Variants in FAXC observed in about 807,000 individuals in gnomAD.
The protein encoded by FAXC is failed axon connections homolog.
Under a neutral mutation model 41.9 loss-of-function variants are expected in FAXC, and 10 were observed. That is an observed-to-expected ratio of 0.24 (90% CI 0.15 to 0.41). FAXC has a LOEUF of 0.41. Among genes scored for constraint, FAXC ranks in the 10% least tolerant of loss-of-function variants. The probability of loss-of-function intolerance (pLI) is 1.00; values close to 1 mark genes in which losing one functional copy is unlikely to be tolerated. For missense variants in FAXC, 399 were observed against 510.9 expected, an observed-to-expected ratio of 0.78 and a Z score of 2.11; for synonymous variants, 183 against 183.8, an observed-to-expected ratio of 1.00 and a Z score of 0.03.
Position 99,318,300 on chromosome 6 carries a change from C to CAAA in FAXC, c.823+5143_823+5144insTTT, listed in dbSNP as rs1445559462. Among the ~76,000 whole-genome samples, 8 of 127,662 alleles carry CAAA rather than the reference C, an allele frequency of 6.3e-5. 1 individual carries two copies. In the East Asian group the frequency reaches 9.1e-4, roughly 15 times the overall value. 83.8% of individuals were successfully genotyped at this position (127,662 alleles called of 152,430 possible). ...ACACACACACACACACACACACACA[C>CAAA]ACACACAAAATAGAAGAAATGGAAA... On this transcript the variant is annotated intron_variant, in intron 4 of 5. Coordinates refer to ENST00000389677, the MANE Select transcript of FAXC (RefSeq NM_032511.4).
At chr6:99,283,206 A>G (rs1348740513) in intron 5 of FAXC, among the ~76,000 whole-genome samples, 3 of 152,252 alleles carry the variant, frequency 2.0e-5, no homozygotes, top group East Asian at 1.9e-4. Context: ...ATTAGTCTGT[A>G]TAGACAAACT....
In FAXC at chr6:99,278,290, G is replaced by C. The variant is rs376041402; in HGVS notation, c.*2874C>G. 6.6e-6 allele frequency: 1 copy of C among 152,190 alleles called. No individual in the cohort carries two copies. The highest frequency in any genetic ancestry group is 2.1e-4 in the South Asian group (1 of 4,822). The allele number at this position is 152,190 out of a possible 1,614,324, so 9.4% of individuals were successfully genotyped here. ...ATTCTGCTCATTAATCTTGTTGAGT[G>C]GGGGTACAGATGGGCAAAGAGAGGT... On this transcript the variant is annotated 3_prime_UTR_variant, in exon 6 of 6. Transcript: ENST00000389677.
At position 99,349,454 on chromosome 6, in the gene FAXC, C is replaced by G; in HGVS notation, c.-82G>C. On this transcript the variant is annotated 5_prime_UTR_variant, in exon 1 of 6. Transcript: ENST00000389677. ...GGGCCGGCGCGGCCCGGCGCGGGCT[C>G]AGAGGCGCGCGGAGGGCGCGGGCGG... 1 of 1,041,960 alleles carries G rather than the reference C, an allele frequency of 9.6e-7. No individual in the cohort carries two copies. Among genetic ancestry groups the G allele is most frequent in the Non-Finnish European group, 1.2e-6 (1 of 865,436 alleles). The allele number at this position is 1,041,960 out of a possible 1,614,324, so 64.5% of individuals were successfully genotyped here. A position where few individuals can be genotyped will look rare whatever the true frequency, so the allele number is the denominator to read the frequency against.
chr6:99,344,285 C>G (rs1190370808), intron 1 of FAXC, among the ~76,000 whole-genome samples: 3 of 152,176 alleles, frequency 2.0e-5, no homozygotes, highest in Admixed American at 6.5e-5. Context: ...ACTCATACCC[C>G]ACTCCTCGGG....
Position 99,349,176 on chromosome 6 carries a change from G to C in FAXC, c.197C>G (p.Thr66Ser). 6.2e-7 allele frequency: 1 copy of C among 1,613,826 alleles called. No individual in the cohort carries two copies. The highest frequency in any genetic ancestry group is 8.5e-7 in the Non-Finnish European group (1 of 1,180,004). ...CAAAGCTCCCCCGGTCAAGTAAAGG[G>C]TTTTCTTCCACCAGGGATCGGAGCC... ...GLGSDPWWKK[T>S]LYLTGGALLA... is the part of the protein sequence containing the mutation. The change falls in exon 1 of 6, where the codon ACC becomes AGC. Residue 66 changes from threonine to serine, a missense_variant. Thr to Ser is a moderately conservative substitution (Grantham distance 58). Around this residue, in one of 3 missense-constraint regions of FAXC, gnomAD observed 239 missense variants for 352.7 expected, o/e 0.68. Coordinates refer to ENST00000389677, the MANE Select transcript of FAXC (RefSeq NM_032511.4).
intron 4 of FAXC, among the ~76,000 whole-genome samples, chr6:99,313,931 C>T (rs534316574): frequency 6.6e-6 from 1 of 152,330 alleles, no homozygotes; most frequent in East Asian, 1.9e-4. Flanking sequence ...TTCCCCTCTT[C>T]TCCAGTGTCC....
At chr6:99,339,791 C>A (rs1773351448) in intron 2 of FAXC, among the ~76,000 whole-genome samples, 1 of 151,798 alleles carries the variant, frequency 6.6e-6, no homozygotes, top group South Asian at 2.1e-4. Context: ...GAAAAGAATT[C>A]AAGTAGAGAG....
At chr6:99,312,512 A>T (rs1582652376) in intron 4 of FAXC, among the ~76,000 whole-genome samples, 1 of 152,338 alleles carries the variant, frequency 6.6e-6, no homozygotes, top group Middle Eastern at 3.4e-3. Flanking sequence ...AGATACACCA[A>T]CTTATACATG....
intron 5 of FAXC, among the ~76,000 whole-genome samples, chr6:99,286,497 A>T (rs1431331180): frequency 6.6e-6 from 1 of 152,230 alleles, no homozygotes; most frequent in African/African-American, 2.4e-5. Flanking sequence ...GTATTAAGTA[A>T]AAAGGACATT....
chr6:99,344,163 G>A (rs935198971), intron 1 of FAXC, among the ~76,000 whole-genome samples: 2 of 152,090 alleles, frequency 1.3e-5, no homozygotes, highest in African/African-American at 4.8e-5. Flanking sequence ...GATTACATAA[G>A]GTAATACTGT....
chr6:99,339,570 CAT>C (rs1286813438), intron 2 of FAXC, among the ~76,000 whole-genome samples: 15 of 152,120 alleles, frequency 9.9e-5, no homozygotes, highest in African/African-American at 3.1e-4. Context: ...ATTTAAGTAA[CAT>C]AATAAATATC....
chr6:99,279,290 C>T lies in FAXC; in HGVS notation c.*1874G>A, dbSNP rs559176007. On this transcript the variant is annotated 3_prime_UTR_variant, in exon 6 of 6. Transcript: ENST00000389677. ...TAATAAGATATTAACAACTAAGTTT[C>T]CCATGGAATAAGAATTTCTAACTTA... 3.5e-4 allele frequency: 53 copies of T among 152,270 alleles called. No homozygotes were observed. Among genetic ancestry groups the T allele is most frequent in the African/African-American group, 1.3e-3 (53 of 41,552 alleles). 9.4% of individuals were successfully genotyped at this position (152,270 alleles called of 1,614,324 possible). A position where few individuals can be genotyped will look rare whatever the true frequency, so the allele number is the denominator to read the frequency against.
chr6:99,326,288 C>T (rs1460279655), intron 3 of FAXC, among the ~76,000 whole-genome samples: 2 of 152,094 alleles, frequency 1.3e-5, no homozygotes, highest in Non-Finnish European at 2.9e-5. Flanking sequence ...AGATGATGCA[C>T]TGGGTGAGGC....
intron 4 of FAXC, among the ~76,000 whole-genome samples, chr6:99,320,118 C>G (rs921595848): frequency 4.6e-5 from 7 of 152,168 alleles, no homozygotes; most frequent in African/African-American, 1.7e-4. Context: ...TGACTCAACA[C>G]TAAGTATGAC....
At chr6:99,311,582 A>T (rs1772160038) in intron 4 of FAXC, among the ~76,000 whole-genome samples, 1 of 152,328 alleles carries the variant, frequency 6.6e-6, no homozygotes, top group East Asian at 1.9e-4. Flanking sequence ...CTCAAAAATA[A>T]ATAAATAAAT....
chr6:99,316,318 T>C (rs947181663), intron 4 of FAXC, among the ~76,000 whole-genome samples: 1 of 152,116 alleles, frequency 6.6e-6, no homozygotes, highest in Non-Finnish European at 1.5e-5. Context: ...CAGAAAGGGT[T>C]TGACAACAAC....
chr6:99,298,059 T>G (rs1771568068), intron 4 of FAXC, among the ~76,000 whole-genome samples: 1 of 152,136 alleles, frequency 6.6e-6, no homozygotes, highest in African/African-American at 2.4e-5. Flanking sequence ...GGGTCAGGGT[T>G]TCTCAAACTT....
In FAXC at chr6:99,275,355, T is replaced by C. The variant is rs1326494425; in HGVS notation, c.*5809A>G. 1 of 152,250 alleles carries C rather than the reference T, an allele frequency of 6.6e-6. No homozygotes were observed. The highest frequency in any genetic ancestry group is 1.5e-5 in the Non-Finnish European group (1 of 68,050). The allele number at this position is 152,250 out of a possible 1,614,324, so 9.4% of individuals were successfully genotyped here. A position where few individuals can be genotyped will look rare whatever the true frequency, so the allele number is the denominator to read the frequency against. Reference sequence around the variant, plus strand: ...CCAAAGTACCGTATCCATCTTTTACTCCAGATTACTTGTTTTCCTACTGAA... The same window carrying C: ...CCAAAGTACCGTATCCATCTTTTACCCCAGATTACTTGTTTTCCTACTGAA... On this transcript the variant is annotated 3_prime_UTR_variant, in exon 6 of 6. Transcript: ENST00000389677.
At chr6:99,330,028 A>T (rs1420686118) in intron 3 of FAXC, among the ~76,000 whole-genome samples, 1 of 150,808 alleles carries the variant, frequency 6.6e-6, no homozygotes, top group Non-Finnish European at 1.5e-5. Flanking sequence ...TCGCCACCAC[A>T]CCTGACTGTT....
Sources: allele counts gnomAD v4.1 joint callset (sites outside exome capture counted in the v4.1 genomes callset), GRCh38; gene constraint gnomAD v4.1.1; regional missense constraint gnomAD v4.1.1; transcripts MANE v1.5; gene names NCBI Gene and HGNC (gene_info 2026-07-23, HGNC 2026-07-21).